ING3: variants seen among roughly 807,000 people sequenced by gnomAD.
The protein encoded by ING3 is inhibitor of growth family member 3.
Under a neutral mutation model 64.8 loss-of-function variants are expected in ING3, and 6 were observed. The ratio of observed to expected loss-of-function variants is 0.09; its 90% confidence interval spans 0.05 to 0.18. ING3 has a LOEUF of 0.18. Among genes scored for constraint, ING3 ranks in the 10% least tolerant of loss-of-function variants. The pLI is 1.00. For synonymous variants in ING3, 170 were observed against 173.7 expected (o/e 0.98, Z 0.17); for missense variants, 310 against 489.7 (o/e 0.63, Z 3.46).
At chr7:120,954,378 A>G (rs1299676932) in intron 3 of ING3, among the ~76,000 whole-genome samples, 2 of 151,934 alleles carry the variant, frequency 1.3e-5, no homozygotes, top group Admixed American at 6.6e-5. Flanking sequence ...GTGAGCCTAG[A>G]TCGCGCCACT....
chr7:120,951,903 C>T (rs747600122), intron 2 of ING3, among the ~76,000 whole-genome samples: 23 of 152,200 alleles, frequency 1.5e-4, no homozygotes, highest in Non-Finnish European at 3.2e-4. Context: ...CCCAAATTAA[C>T]TTTGCTCTTT....
At chr7:120,965,536 A>G (rs1795986450) in intron 5 of ING3, among the ~76,000 whole-genome samples, 1 of 152,188 alleles carries the variant, frequency 6.6e-6, no homozygotes, top group Admixed American at 6.5e-5. Context: ...CACTCACTAG[A>G]TGTTAATTGA....
intron 4 of ING3, among the ~76,000 whole-genome samples, chr7:120,960,768 A>C (rs1294116984): frequency 6.6e-6 from 1 of 152,220 alleles, no homozygotes; most frequent in Non-Finnish European, 1.5e-5. Flanking sequence ...TGACTAACAC[A>C]CACAAAAATC....
intron 2 of ING3, among the ~76,000 whole-genome samples, chr7:120,952,832 T>G (rs1186744162): frequency 6.6e-6 from 1 of 152,068 alleles, no homozygotes; most frequent in Non-Finnish European, 1.5e-5. Context: ...TTACCTAGAA[T>G]TAATGTTTAA....
Position 120,977,152 on chromosome 7 carries a change from A to T in ING3, c.*2308A>T, listed in dbSNP as rs1796144303. The T allele has an allele frequency of 2.6e-5, 4 of 152,222 alleles. No homozygotes were observed. Among genetic ancestry groups the T allele is most frequent in the Admixed American group, 2.6e-4 (4 of 15,286 alleles). 9.4% of individuals were successfully genotyped at this position (152,222 alleles called of 1,614,324 possible). A position where few individuals can be genotyped will look rare whatever the true frequency, so the allele number is the denominator to read the frequency against. ...GAAAATTGAGGCCTTACTGCTATGG[A>T]GTGTATATCAAAATGTTCATGGTGA... On this transcript the variant is annotated 3_prime_UTR_variant, in exon 12 of 12. Coordinates refer to ENST00000315870, the MANE Select transcript of ING3 (RefSeq NM_019071.3).
chr7:120,955,889 A>G (rs1400032939), intron 4 of ING3: 4 of 567,770 alleles, frequency 7.0e-6, no homozygotes, highest in East Asian at 5.9e-5. Context: ...TTTTTTAAAC[A>G]AGAATTAATG....
intron 4 of ING3, chr7:120,956,614 A>G: frequency 1.0e-6 from 1 of 988,182 alleles, no homozygotes; most frequent in Non-Finnish European, 1.2e-6. Flanking sequence ...AGTTATTCTG[A>G]AAAAAATTTC....
In ING3 at chr7:120,969,888, C is replaced by T. The variant is rs546513698; in HGVS notation, c.908+684C>T. On this transcript the variant is annotated intron_variant, in intron 9 of 11. Coordinates refer to ENST00000315870, the MANE Select transcript of ING3 (RefSeq NM_019071.3). Reference sequence around the variant, plus strand: ...GTGAATTAATCCCTTAAAGAACGATCAATATGAAATAACCACAACAGAAGT... The same window carrying T: ...GTGAATTAATCCCTTAAAGAACGATTAATATGAAATAACCACAACAGAAGT... 3.0e-4 allele frequency among the ~76,000 whole-genome samples: 45 copies of T among 152,104 alleles called. No individual in the cohort carries two copies. In the South Asian group the frequency reaches 8.7e-3, roughly 29 times the overall value.
At position 120,975,029 on chromosome 7, in the gene ING3, ATTAT is replaced by A. The variant is rs1228917417; in HGVS notation, c.*190_*193del. ...GGTTGTATTTTAATAATGTAAGTAAATTATTTATGCACTCCTGGTGTGCTATGAA... is the reference window on the plus strand; with the variant it reads ...GGTTGTATTTTAATAATGTAAGTAAATTATGCACTCCTGGTGTGCTATGAA... On this transcript the variant is annotated 3_prime_UTR_variant, in exon 12 of 12. Transcript: ENST00000315870. 3 of 399,988 alleles carry A rather than the reference ATTAT, an allele frequency of 7.5e-6. No homozygotes were observed. The highest frequency in any genetic ancestry group is 1.4e-5 in the Non-Finnish European group (3 of 216,076). The allele number at this position is 399,988 out of a possible 1,614,324, so 24.8% of individuals were successfully genotyped here.
At chr7:120,956,163 C>G in intron 4 of ING3, 4 of 1,603,440 alleles carry the variant, frequency 2.5e-6, no homozygotes, top group Non-Finnish European at 2.6e-6. Context: ...TTTGCAGCAG[C>G]ACTTCTAAAA....
chr7:120,956,700 AG>A (rs1192880890), intron 4 of ING3: 13 of 974,688 alleles, frequency 1.3e-5, no homozygotes, highest in Non-Finnish European at 1.6e-5. Context: ...AAAAAAAAAA[AG>A]GTCTTAATTG....
intron 6 of ING3, 116 bp downstream of exon 6, chr7:120,966,813 T>C: frequency 1.3e-6 from 1 of 770,998 alleles, no homozygotes; most frequent in East Asian, 2.5e-5. Context: ...CCCTTCTTTT[T>C]TTTTCATTGC....
intron 2 of ING3, among the ~76,000 whole-genome samples, chr7:120,952,082 T>G (rs1053911007): frequency 6.6e-6 from 1 of 152,206 alleles, no homozygotes; most frequent in Non-Finnish European, 1.5e-5. Context: ...TAATAAAAAG[T>G]GGTGGCATGG....
intron 3 of ING3, among the ~76,000 whole-genome samples, chr7:120,954,498 A>G (rs1795815671): frequency 6.6e-6 from 1 of 152,030 alleles, no homozygotes; most frequent in Non-Finnish European, 1.5e-5. Context: ...TTCTGTTATG[A>G]TATGTTATTT....
intron 4 of ING3, chr7:120,956,181 AACACC>A: frequency 6.2e-7 from 1 of 1,610,028 alleles, no homozygotes; most frequent in South Asian, 1.1e-5. Context: ...AAAGATTGAA[AACACC>A]AAGAAGATAG....
At position 120,964,744 on chromosome 7, in the gene ING3, A is replaced by T; in HGVS notation, c.270A>T (p.Val90=). Residue 90 remains valine, a splice_region_variant and synonymous_variant, in exon 5 of 12, where the codon GTA becomes GTT. Coordinates refer to ENST00000315870, the MANE Select transcript of ING3 (RefSeq NM_019071.3). The part of the protein sequence containing the change: ...VQLANQIYDL[V]DRHLRKLDQE... ...ATCTTTGATCTTCTTTGAAACAGGT[A>T]GATCGACACTTGAGAAAGCTGGATC... 1 of 1,612,972 alleles carries T rather than the reference A, an allele frequency of 6.2e-7. No homozygotes were observed. The highest frequency in any genetic ancestry group is 1.7e-5 in the Admixed American group (1 of 60,026).
intron 9 of ING3, among the ~76,000 whole-genome samples, chr7:120,969,493 T>A (rs998638571): frequency 3.3e-5 from 5 of 152,130 alleles, no homozygotes; most frequent in African/African-American, 1.2e-4. Flanking sequence ...TTTATGGAAC[T>A]GCTTTTCATT....
chr7:120,966,223 G>A (rs543009158), intron 5 of ING3, among the ~76,000 whole-genome samples: 2 of 152,002 alleles, frequency 1.3e-5, no homozygotes, highest in South Asian at 4.2e-4. Flanking sequence ...ATATAGTAAT[G>A]TCCCCCATCA....
At chr7:120,971,977 A>G (rs1241052490) in intron 10 of ING3, among the ~76,000 whole-genome samples, 1 of 152,122 alleles carries the variant, frequency 6.6e-6, no homozygotes, top group Non-Finnish European at 1.5e-5. Flanking sequence ...TTTTAAATAC[A>G]CTAGTATTAT....
Sources: allele counts gnomAD v4.1 joint callset (sites outside exome capture counted in the v4.1 genomes callset), GRCh38; gene constraint gnomAD v4.1.1; transcripts MANE v1.5; gene names NCBI Gene and HGNC (gene_info 2026-07-23, HGNC 2026-07-21).